ANKS1B: variants seen among roughly 807,000 people sequenced by gnomAD.
ANKS1B encodes ankyrin repeat and sterile alpha motif domain-containing protein 1B.
In ANKS1B, 36 loss-of-function variants were observed where a neutral mutation model predicts 148.3. The ratio of observed to expected loss-of-function variants is 0.24; its 90% CI spans 0.19 to 0.32. The LOEUF is 0.32. ANKS1B is among the 10% of genes least tolerant of loss of function. The pLI is 1.00. For synonymous variants in ANKS1B, 542 were observed against 560.8 expected (o/e 0.97, Z 0.47); for missense variants, 1,157 against 1,542.6 (o/e 0.75, Z 4.19).
downstream of ANKS1B, chr12:98,743,828 G>T: frequency 4.7e-6 from 1 of 213,736 alleles, no homozygotes; most frequent in Non-Finnish European, 8.0e-6. Flanking sequence ...TCTCAGACTG[G>T]TTGAACTTGG....
intron 8 of ANKS1B, among the ~76,000 whole-genome samples, chr12:99,697,053 G>A (rs543799343): frequency 6.6e-6 from 1 of 152,254 alleles, no homozygotes; most frequent in African/African-American, 2.4e-5. Flanking sequence ...CTACCAGAAT[G>A]ACTAACATAT....
chr12:99,573,628 T>C (rs753718949), intron 9 of ANKS1B, among the ~76,000 whole-genome samples: 96 of 152,076 alleles, frequency 6.3e-4, no homozygotes, highest in Admixed American at 1.9e-3. Flanking sequence ...CTACTCTTTA[T>C]GATGACTATT....
chr12:99,103,910 A>G (rs1424573256), intron 15 of ANKS1B, among the ~76,000 whole-genome samples: 1 of 152,216 alleles, frequency 6.6e-6, no homozygotes, highest in African/African-American at 2.4e-5. Context: ...TACTTACTAT[A>G]TACTTGCTAG....
At chr12:99,730,614 T>C (rs1192230623) in intron 8 of ANKS1B, among the ~76,000 whole-genome samples, 1 of 152,104 alleles carries the variant, frequency 6.6e-6, no homozygotes, top group Admixed American at 6.5e-5. Context: ...GCCTCATCAA[T>C]AGGTAGCTGT....
intron 1 of ANKS1B, among the ~76,000 whole-genome samples, chr12:99,960,127 T>C (rs898843327): frequency 6.6e-6 from 1 of 152,210 alleles, no homozygotes; most frequent in Non-Finnish European, 1.5e-5. Flanking sequence ...ATATAGAGAA[T>C]TATTTTAAGA....
At chr12:99,740,112 C>A (rs963131723) in intron 8 of ANKS1B, among the ~76,000 whole-genome samples, 4 of 151,978 alleles carry the variant, frequency 2.6e-5, no homozygotes, top group African/African-American at 9.7e-5. Flanking sequence ...GTGTTCAAGA[C>A]CAGCCTGGGT....
intron 14 of ANKS1B, 96 bp downstream of exon 14, chr12:99,244,246 T>A: frequency 1.3e-6 from 1 of 790,572 alleles, no homozygotes; most frequent in Non-Finnish European, 2.0e-6. Flanking sequence ...GTTATTGTTA[T>A]AATGAAAAAA....
intron 16 of ANKS1B, among the ~76,000 whole-genome samples, chr12:99,072,213 C>A (rs966593882): frequency 1.3e-4 from 20 of 151,976 alleles, no homozygotes; most frequent in Admixed American, 2.0e-4. Context: ...TAATTGAGTT[C>A]TTTTCTGTTA....
In ANKS1B at chr12:98,745,624, C is replaced by T. The variant is rs1049478542; in HGVS notation, c.*115G>A. 50 of 1,469,026 alleles carry T rather than the reference C, an allele frequency of 3.4e-5. No homozygotes were observed. The highest frequency in any genetic ancestry group is 1.7e-4 in the South Asian group (12 of 70,946). 91.0% of individuals were successfully genotyped at this position (1,469,026 alleles called of 1,614,324 possible). A position where few individuals can be genotyped will look rare whatever the true frequency, so the allele number is the denominator to read the frequency against. The stretch of plus-strand genomic sequence containing the variant: ...AGTGGCCTTTCGCCCGTAACAAGGC[C>T]GCACGCTCAGAGCAGTCTTCCTCCT... On this transcript the variant is annotated 3_prime_UTR_variant, in exon 27 of 27. Coordinates refer to ENST00000683438, the MANE Select transcript of ANKS1B (RefSeq NM_001352186.2).
chr12:99,515,207 A>T (rs1477338633), intron 9 of ANKS1B, among the ~76,000 whole-genome samples: 1 of 152,040 alleles, frequency 6.6e-6, no homozygotes, highest in African/African-American at 2.4e-5. Context: ...CTTAAAATAT[A>T]CAATTAAATT....
At chr12:99,538,776 T>C (rs1279339955) in intron 9 of ANKS1B, among the ~76,000 whole-genome samples, 1 of 152,180 alleles carries the variant, frequency 6.6e-6, no homozygotes, top group Admixed American at 6.5e-5. Context: ...CAGTACTACG[T>C]TGAATAATAG....
chr12:99,710,992 A>G (rs2153536148), intron 8 of ANKS1B, among the ~76,000 whole-genome samples: 1 of 152,180 alleles, frequency 6.6e-6, no homozygotes, highest in South Asian at 2.1e-4. Context: ...AAACCCAGGA[A>G]TCACCAAAGA....
chr12:99,173,989 C>G (rs1398600442), intron 14 of ANKS1B, among the ~76,000 whole-genome samples: 1 of 152,166 alleles, frequency 6.6e-6, no homozygotes, highest in Non-Finnish European at 1.5e-5. Context: ...TAACTTTCTT[C>G]TAATTAATAG....
At chr12:99,731,459 T>TGTGTGTGTG (rs1567736260) in intron 8 of ANKS1B, among the ~76,000 whole-genome samples, 4 of 148,060 alleles carry the variant, frequency 2.7e-5, no homozygotes, top group Non-Finnish European at 3.0e-5. Context: ...TGTGTGTGTG[T>TGTGTGTGTG]TTTAATTATC....
At chr12:99,558,715 G>C (rs1203953359) in intron 9 of ANKS1B, among the ~76,000 whole-genome samples, 5 of 152,146 alleles carry the variant, frequency 3.3e-5, no homozygotes, top group African/African-American at 1.2e-4. Flanking sequence ...ACCAGACAGA[G>C]GGGCACTCAG....
chr12:98,929,228 T>C (rs2099811671), intron 17 of ANKS1B, among the ~76,000 whole-genome samples: 4 of 151,922 alleles, frequency 2.6e-5, no homozygotes. Flanking sequence ...AAAAAAGAAA[T>C]GCAATACTTT....
chr12:99,384,324 T>C (rs998325129), intron 12 of ANKS1B, among the ~76,000 whole-genome samples: 1 of 152,196 alleles, frequency 6.6e-6, no homozygotes. Flanking sequence ...ACTCTTTAAA[T>C]GTAATCTTTA....
chr12:99,343,174 G>A (rs2090172555), intron 12 of ANKS1B, among the ~76,000 whole-genome samples: 1 of 151,914 alleles, frequency 6.6e-6, no homozygotes, highest in South Asian at 2.1e-4. Context: ...TATCTTTTAA[G>A]TCTACCAATA....
chr12:99,107,192 C>T (rs2059404683), intron 15 of ANKS1B, among the ~76,000 whole-genome samples: 1 of 151,838 alleles, frequency 6.6e-6, no homozygotes, highest in Admixed American at 6.6e-5. Flanking sequence ...ATAGCAAATA[C>T]AGTAATATCT....
Sources: gnomAD v4.1 joint callset for allele counts (sites outside exome capture counted in the v4.1 genomes callset) on GRCh38, gnomAD v4.1.1 for gene constraint, MANE v1.5 for transcripts, NCBI Gene and HGNC (gene_info 2026-07-23, HGNC 2026-07-21) for gene names.